Variants in VTI1B observed in about 807,000 individuals in gnomAD.
The protein encoded by VTI1B is vesicle transport through interaction with t-SNAREs homolog 1B.
VTI1B carries 18 observed loss-of-function variants against 28.6 expected under a neutral mutation model. The observed-to-expected ratio is 0.63, with a 90% CI of 0.43 to 0.93. The LOEUF (loss-of-function observed/expected upper bound fraction) is 0.93, where lower values mean the gene tolerates loss of function less well. VTI1B is among the 40% of genes least tolerant of loss of function. The probability of loss-of-function intolerance (pLI) is 0.00; values close to 1 mark genes in which losing one functional copy is unlikely to be tolerated. For missense variants in VTI1B, 283 were observed against 297.0 expected, an observed-to-expected ratio of 0.95 and a Z score of 0.35; for synonymous variants, 100 against 107.9, an observed-to-expected ratio of 0.93 and a Z score of 0.46.
At chr14:67,653,629 G>C in intron 4 of VTI1B, 131 bp from the exon 5 acceptor site, 1 of 726,342 alleles carries the variant, frequency 1.4e-6, no homozygotes, top group Admixed American at 2.7e-5. Flanking sequence ...CAATTTAAAT[G>C]ATGGCCTTTG....
In VTI1B at chr14:67,651,080, A is replaced by T. The variant is rs2037168911; in HGVS notation, c.*305T>A. 1 of 958,254 alleles carries T rather than the reference A, an allele frequency of 1.0e-6. No individual in the cohort carries two copies. The highest frequency in any genetic ancestry group is 1.5e-6 in the Non-Finnish European group (1 of 648,148). 59.4% of individuals were successfully genotyped at this position (958,254 alleles called of 1,614,324 possible). On this transcript the variant is annotated 3_prime_UTR_variant, in exon 6 of 6. Transcript: ENST00000554659. Reference sequence around the variant, plus strand: ...AAGTTTCCCCTCTATTTTGGTGACCAATACTACTGTAAATGTATTTGGTTT... The same window carrying T: ...AAGTTTCCCCTCTATTTTGGTGACCTATACTACTGTAAATGTATTTGGTTT...
chr14:67,666,958 T>A (rs2140840374), intron 1 of VTI1B, among the ~76,000 whole-genome samples: 1 of 152,334 alleles, frequency 6.6e-6, no homozygotes, highest in Middle Eastern at 3.4e-3. Context: ...TTAGAATTGA[T>A]GCTACAATCA....
intron 1 of VTI1B, among the ~76,000 whole-genome samples, chr14:67,666,334 G>A (rs2037401968): frequency 6.6e-6 from 1 of 152,210 alleles, no homozygotes; most frequent in African/African-American, 2.4e-5. Flanking sequence ...AGGGGGAGAA[G>A]AAGACCACAG....
Position 67,653,404 on chromosome 14 carries a change from TAAGAG to T in VTI1B, c.602+28_602+32del, listed in dbSNP as rs1411075347. ...GCTTTTTGGTTGAAAGCCACTGAGT[TAAGAG>T]AAATTTCATGACTTTAATAAAACTT... On this transcript the variant is annotated intron_variant, in intron 5 of 5. Coordinates refer to ENST00000554659, the MANE Select transcript of VTI1B (RefSeq NM_006370.3). The T allele has an allele frequency of 2.5e-6, 4 of 1,601,896 alleles. No homozygotes were observed. In the African/African-American group the frequency reaches 5.4e-5, roughly 21 times the overall value.
chr14:67,668,340 A>G (rs2037426935), intron 1 of VTI1B, among the ~76,000 whole-genome samples: 1 of 152,252 alleles, frequency 6.6e-6, no homozygotes, highest in Non-Finnish European at 1.5e-5. Flanking sequence ...TTAATGAAAT[A>G]TTAAATGGAT....
intron 3 of VTI1B, 86 bp downstream of exon 3, chr14:67,659,645 A>T: frequency 7.4e-7 from 1 of 1,358,476 alleles, no homozygotes; most frequent in Admixed American, 2.6e-5. Flanking sequence ...TACACTGATA[A>T]CATGAAATAC....
At chr14:67,653,116 T>C (rs148427532) in intron 5 of VTI1B, among the ~76,000 whole-genome samples, 49 of 152,314 alleles carry the variant, frequency 3.2e-4, no homozygotes, top group African/African-American at 1.1e-3. Context: ...TTTCAAGGAA[T>C]AGGAAGCTGT....
chr14:67,662,374 AG>A (rs1250638982), intron 2 of VTI1B, 102 bp downstream of exon 2: 18 of 1,061,790 alleles, frequency 1.7e-5, no homozygotes, highest in Non-Finnish European at 2.1e-5. Context: ...GTCAAAATCA[AG>A]ATCAATGGAC....
At chr14:67,663,036 G>A (rs1170879927) in intron 1 of VTI1B, 2 of 1,420,794 alleles carry the variant, frequency 1.4e-6, no homozygotes, top group Non-Finnish European at 1.8e-6. Context: ...TACTCGGCTT[G>A]CTGAGAGGCT....
intron 1 of VTI1B, among the ~76,000 whole-genome samples, chr14:67,667,154 A>C (rs2037411527): frequency 6.6e-6 from 1 of 152,220 alleles, no homozygotes; most frequent in African/African-American, 2.4e-5. Flanking sequence ...AAATGGAAAC[A>C]GACAGCTCTG....
At position 67,674,276 on chromosome 14, in the gene VTI1B, G is replaced by C. The variant is rs1015897306; in HGVS notation, c.115+99C>G. The C allele has an allele frequency of 4.4e-6, 5 of 1,134,916 alleles. No individual in the cohort carries two copies. In the African/African-American group the frequency reaches 8.1e-5, roughly 18 times the overall value. The allele number at this position is 1,134,916 out of a possible 1,614,324, so 70.3% of individuals were successfully genotyped here. On this transcript the variant is annotated intron_variant, in intron 1 of 5. Coordinates refer to ENST00000554659, the MANE Select transcript of VTI1B (RefSeq NM_006370.3). ...GGGGGCGTGTCTGAGGACGCGGAGG[G>C]AGGAGACGCGGGCCCGGGTCTGGGA... is the stretch of plus-strand genomic sequence containing the variant.
intron 1 of VTI1B, among the ~76,000 whole-genome samples, 198 bp downstream of exon 1, chr14:67,674,177 G>C (rs913296005): frequency 6.6e-6 from 1 of 152,232 alleles, no homozygotes; most frequent in African/African-American, 2.4e-5. Context: ...AAGGATCCCA[G>C]GGAACTGAAT....
In VTI1B at chr14:67,647,251, TTTTC is replaced by T; in HGVS notation, c.*4130_*4133del. 2.3e-6 allele frequency: 1 copy of T among 438,442 alleles called. No homozygotes were observed. Among genetic ancestry groups the T allele is most frequent in the Non-Finnish European group, 4.0e-6 (1 of 247,434 alleles). 27.2% of individuals were successfully genotyped at this position (438,442 alleles called of 1,614,324 possible). On this transcript the variant is annotated 3_prime_UTR_variant, in exon 6 of 6. Coordinates refer to ENST00000554659, the MANE Select transcript of VTI1B (RefSeq NM_006370.3). Reference sequence around the variant, plus strand: ...TGCCTAGATCTTCTGTCTCATGAATTTTTCTTTATCTCCATCTTTAATGCTTATC... The same window carrying T: ...TGCCTAGATCTTCTGTCTCATGAATTTTTATCTCCATCTTTAATGCTTATC...
chr14:67,651,144 G>A lies in VTI1B; in HGVS notation c.*241C>T. On this transcript the variant is annotated 3_prime_UTR_variant, in exon 6 of 6. Transcript: ENST00000554659. ...GGGTATTAATATGCTACAGTACTAT[G>A]TAAATTTAAAGAAGTCATAAACAGC... 1 of 929,494 alleles carries A rather than the reference G, an allele frequency of 1.1e-6. No individual in the cohort carries two copies. Among genetic ancestry groups the A allele is most frequent in the Non-Finnish European group, 1.6e-6 (1 of 636,586 alleles). The allele number at this position is 929,494 out of a possible 1,614,324, so 57.6% of individuals were successfully genotyped here.
intron 3 of VTI1B, among the ~76,000 whole-genome samples, chr14:67,659,482 A>G (rs1405123579): frequency 6.6e-6 from 1 of 151,296 alleles, no homozygotes; most frequent in African/African-American, 2.4e-5. Context: ...TTTTTTTTTT[A>G]TTATAAGACT....
At chr14:67,665,319 C>T (rs1199605891) in intron 1 of VTI1B, among the ~76,000 whole-genome samples, 6 of 140,912 alleles carry the variant, frequency 4.3e-5, no homozygotes, top group Non-Finnish European at 6.1e-5. Flanking sequence ...GGCATGATTA[C>T]GGCTCACTGC....
At chr14:67,673,339 G>A (rs1404320300) in intron 1 of VTI1B, among the ~76,000 whole-genome samples, 6 of 151,312 alleles carry the variant, frequency 4.0e-5, no homozygotes, top group African/African-American at 1.5e-4. Context: ...GTGAGACCCT[G>A]TCTCAAAAAA....
At chr14:67,667,095 G>C (rs1478633445) in intron 1 of VTI1B, among the ~76,000 whole-genome samples, 1 of 152,134 alleles carries the variant, frequency 6.6e-6, no homozygotes, top group African/African-American at 2.4e-5. Context: ...GACTCTCTGG[G>C]ACCAACTCTG....
intron 1 of VTI1B, among the ~76,000 whole-genome samples, chr14:67,665,491 C>T (rs2037391353): frequency 6.6e-6 from 1 of 151,918 alleles, no homozygotes; most frequent in Non-Finnish European, 1.5e-5. Context: ...CTGGTCTTGA[C>T]TCCTGGGCTC....
Sources: gnomAD v4.1 joint callset for allele counts (sites outside exome capture counted in the v4.1 genomes callset) on GRCh38, gnomAD v4.1.1 for gene constraint, MANE v1.5 for transcripts, NCBI Gene and HGNC (gene_info 2026-07-23, HGNC 2026-07-21) for gene names.